Variants in TANC2 observed in about 807,000 individuals in gnomAD.
TANC2 encodes the protein protein TANC2.
TANC2 carries 26 observed loss-of-function variants against 210.5 expected under a neutral mutation model. That is an observed-to-expected ratio of 0.12 (90% confidence interval 0.09 to 0.17). The LOEUF (loss-of-function observed/expected upper bound fraction) is 0.17. Ranked by LOEUF, TANC2 falls within the 10% of genes least tolerant of loss-of-function variation. The pLI is 1.00. For synonymous variants in TANC2, 931 were observed against 967.1 expected (o/e 0.96, Z 0.69); for missense variants, 2,129 against 2,608.9 (o/e 0.82, Z 4.01).
intron 4 of TANC2, among the ~76,000 whole-genome samples, chr17:63,115,853 C>A (rs2038229944): frequency 6.6e-6 from 1 of 152,120 alleles, no homozygotes; most frequent in African/African-American, 2.4e-5. Context: ...AGGTGCCTTA[C>A]TCAGGGTTAT....
At chr17:63,113,154 C>T (rs745952006) in intron 4 of TANC2, among the ~76,000 whole-genome samples, 3 of 152,134 alleles carry the variant, frequency 2.0e-5, no homozygotes, top group Non-Finnish European at 4.4e-5. Flanking sequence ...GCCTTAGTAA[C>T]TCTCTAAACA....
chr17:63,157,627 A>G (rs1017350907), intron 5 of TANC2, among the ~76,000 whole-genome samples: 1 of 152,224 alleles, frequency 6.6e-6, no homozygotes, highest in African/African-American at 2.4e-5. Flanking sequence ...TTCCCTCTGT[A>G]AAATGGGGAT....
chr17:63,377,276 G>A (rs1351352041), intron 14 of TANC2, among the ~76,000 whole-genome samples: 1 of 152,192 alleles, frequency 6.6e-6, no homozygotes, highest in African/African-American at 2.4e-5. Context: ...GATTTCTGCA[G>A]CTGGCTTAGA....
chr17:63,186,528 A>G (rs1014474939), intron 5 of TANC2, among the ~76,000 whole-genome samples: 8 of 151,494 alleles, frequency 5.3e-5, no homozygotes, highest in African/African-American at 1.9e-4. Context: ...AATTTTTTGT[A>G]TTTTTAGTAG....
chr17:63,328,323 A>T (rs1398363252), intron 11 of TANC2, among the ~76,000 whole-genome samples: 1 of 152,042 alleles, frequency 6.6e-6, no homozygotes, highest in African/African-American at 2.4e-5. Flanking sequence ...CTGAACCTAA[A>T]ATAAAAGTTG....
intron 4 of TANC2, among the ~76,000 whole-genome samples, chr17:63,133,738 A>G (rs1162279225): frequency 6.6e-6 from 1 of 152,206 alleles, no homozygotes; most frequent in Non-Finnish European, 1.5e-5. Flanking sequence ...GAAAACAGCA[A>G]CATGAGTGCA....
chr17:63,104,974 A>G (rs1329092711), intron 4 of TANC2, among the ~76,000 whole-genome samples: 1 of 151,818 alleles, frequency 6.6e-6, no homozygotes, highest in Non-Finnish European at 1.5e-5. Context: ...CATGTAAAGC[A>G]CGTAAGACAG....
intron 5 of TANC2, chr17:63,182,502 T>A (rs2040822581): frequency 3.8e-6 from 1 of 260,882 alleles, no homozygotes; most frequent in Non-Finnish European, 7.6e-6. Context: ...AAGGGACCCA[T>A]TTTTATTCAA....
chr17:63,155,965 A>G (rs906488681), intron 5 of TANC2, among the ~76,000 whole-genome samples: 1 of 152,130 alleles, frequency 6.6e-6, no homozygotes, highest in African/African-American at 2.4e-5. Flanking sequence ...CTGTATAGTC[A>G]TGGTCATTTC....
intron 2 of TANC2, among the ~76,000 whole-genome samples, chr17:63,044,601 C>T (rs936017343): frequency 6.6e-6 from 1 of 152,048 alleles, no homozygotes; most frequent in Non-Finnish European, 1.5e-5. Context: ...TTTCTAGGAA[C>T]TATACCTAGA....
intron 5 of TANC2, among the ~76,000 whole-genome samples, chr17:63,183,210 C>T (rs1280327176): frequency 6.6e-6 from 1 of 152,188 alleles, no homozygotes; most frequent in Non-Finnish European, 1.5e-5. Flanking sequence ...TCTGCTTTTC[C>T]ATTGTGTCTG....
chr17:63,202,933 C>G (rs2041582803), intron 7 of TANC2, among the ~76,000 whole-genome samples: 1 of 152,070 alleles, frequency 6.6e-6, no homozygotes, highest in African/African-American at 2.4e-5. Context: ...TTTTTAAAAT[C>G]TATATGAACA....
At chr17:63,177,561 A>G (rs1450443347) in intron 5 of TANC2, among the ~76,000 whole-genome samples, 2 of 152,312 alleles carry the variant, frequency 1.3e-5, no homozygotes, top group East Asian at 1.9e-4. Flanking sequence ...AATGCCTACA[A>G]TAATGGTACA....
chr17:63,312,545 A>G (rs1428034117), intron 9 of TANC2, among the ~76,000 whole-genome samples: 3 of 152,120 alleles, frequency 2.0e-5, no homozygotes, highest in African/African-American at 7.2e-5. Context: ...TGACGTAAAG[A>G]TGGTAACAGT....
intron 14 of TANC2, among the ~76,000 whole-genome samples, chr17:63,375,064 T>A (rs1438969913): frequency 5.3e-5 from 8 of 151,750 alleles, no homozygotes; most frequent in African/African-American, 1.5e-4. Flanking sequence ...AAAAAGTGAG[T>A]TTGATAGTGA....
chr17:63,408,746 T>G (rs1454219112), intron 21 of TANC2, among the ~76,000 whole-genome samples: 2 of 152,192 alleles, frequency 1.3e-5, no homozygotes, highest in African/African-American at 4.8e-5. Flanking sequence ...AACTGCTGAG[T>G]AAACCCTGAG....
chr17:63,309,429 AT>A (rs1270209361), intron 9 of TANC2, among the ~76,000 whole-genome samples: 2 of 132,504 alleles, frequency 1.5e-5, no homozygotes, highest in Non-Finnish European at 2.9e-5. Context: ...TTTAATTTGT[AT>A]TTATTTGGTT....
chr17:63,245,985 G>A (rs2042907956), intron 8 of TANC2, among the ~76,000 whole-genome samples: 2 of 150,310 alleles, frequency 1.3e-5, no homozygotes. Flanking sequence ...ACTCCAGCCT[G>A]GGATACAGAG....
intron 8 of TANC2, among the ~76,000 whole-genome samples, chr17:63,254,860 T>C (rs1342474516): frequency 1.3e-5 from 2 of 152,088 alleles, no homozygotes; most frequent in Non-Finnish European, 2.9e-5. Flanking sequence ...TTTAATGTGT[T>C]GTTGAATTTG....
Sources: gnomAD v4.1 joint callset for allele counts (sites outside exome capture counted in the v4.1 genomes callset) on GRCh38, gnomAD v4.1.1 for gene constraint, MANE v1.5 for transcripts, NCBI Gene and HGNC (gene_info 2026-07-23, HGNC 2026-07-21) for gene names.